Variants in SLC6A6 observed in about 807,000 individuals in gnomAD.
The protein encoded by SLC6A6 is sodium- and chloride-dependent taurine transporter.
In SLC6A6, 16 loss-of-function variants were observed where a neutral mutation model predicts 68.8. The ratio of observed to expected loss-of-function variants is 0.23; its 90% CI spans 0.16 to 0.35. The LOEUF (loss-of-function observed/expected upper bound fraction) is 0.35, where lower values mean the gene tolerates loss of function less well. Ranked by LOEUF, SLC6A6 falls within the 10% of genes least tolerant of loss-of-function variation. SLC6A6 has a pLI of 1.00. For synonymous variants in SLC6A6, 312 were observed against 315.4 expected (o/e 0.99, Z 0.12); for missense variants, 474 against 802.8 (o/e 0.59, Z 4.95).
intron 1 of SLC6A6, among the ~76,000 whole-genome samples, chr3:14,414,189 G>T (rs1366586942): frequency 6.6e-6 from 1 of 152,142 alleles, no homozygotes; most frequent in African/African-American, 2.4e-5. Flanking sequence ...TGCCCTAGCT[G>T]CTCACCAGTG....
At chr3:14,463,627 C>T (rs189808259) in intron 6 of SLC6A6, among the ~76,000 whole-genome samples, 4 of 152,362 alleles carry the variant, frequency 2.6e-5, no homozygotes, top group African/African-American at 7.2e-5. Flanking sequence ...GCCGCCTGTC[C>T]GCCTGTCCTC....
intron 1 of SLC6A6, among the ~76,000 whole-genome samples, chr3:14,407,715 A>G (rs1699142071): frequency 6.6e-6 from 1 of 152,086 alleles, no homozygotes; most frequent in African/African-American, 2.4e-5. Flanking sequence ...CTGTGTTGCC[A>G]GGCTGGTGTC....
At chr3:14,432,686 GA>G (rs1559292364) in intron 2 of SLC6A6, 1 of 152,462 alleles carries the variant, frequency 6.6e-6, no homozygotes, top group Non-Finnish European at 1.5e-5. Context: ...AACAGTGCGC[GA>G]CTCCCCAGGT....
intron 5 of SLC6A6, among the ~76,000 whole-genome samples, chr3:14,449,172 G>A (rs571685999): frequency 6.6e-6 from 1 of 152,342 alleles, no homozygotes; most frequent in South Asian, 2.1e-4. Flanking sequence ...GCAAAGAAGG[G>A]GTCGGTTGCC....
chr3:14,470,369 G>A (rs1350613351), intron 9 of SLC6A6, among the ~76,000 whole-genome samples: 1 of 152,146 alleles, frequency 6.6e-6, no homozygotes, highest in Non-Finnish European at 1.5e-5. Context: ...TAATTATTTA[G>A]CCTAACAGAG....
intron 2 of SLC6A6, among the ~76,000 whole-genome samples, chr3:14,441,290 A>G (rs1699978190): frequency 6.6e-6 from 1 of 151,242 alleles, no homozygotes; most frequent in Non-Finnish European, 1.5e-5. Flanking sequence ...TGAGTCTCAC[A>G]TCCTCCAATT....
intron 6 of SLC6A6, among the ~76,000 whole-genome samples, chr3:14,460,211 G>A (rs1443468643): frequency 1.3e-5 from 2 of 152,108 alleles, no homozygotes; most frequent in African/African-American, 2.4e-5. Context: ...ACAGGGCTGG[G>A]GGACATGCAG....
intron 2 of SLC6A6, among the ~76,000 whole-genome samples, chr3:14,417,985 C>G (rs1214657478): frequency 6.6e-6 from 1 of 152,196 alleles, no homozygotes; most frequent in African/African-American, 2.4e-5. Context: ...CTTTCAGAGT[C>G]TTATTTAATC....
intron 1 of SLC6A6, among the ~76,000 whole-genome samples, chr3:14,414,369 G>T (rs546822518): frequency 6.6e-6 from 1 of 152,152 alleles, no homozygotes; most frequent in African/African-American, 2.4e-5. Context: ...GCTGGCTCAC[G>T]TGCCCACCTA....
intron 5 of SLC6A6, among the ~76,000 whole-genome samples, chr3:14,455,205 C>T (rs1338304806): frequency 6.6e-6 from 1 of 152,246 alleles, no homozygotes; most frequent in Non-Finnish European, 1.5e-5. Flanking sequence ...GGGACTACCA[C>T]CAGCAATGGA....
chr3:14,425,173 G>A (rs9310447), intron 2 of SLC6A6, among the ~76,000 whole-genome samples: 3,240 of 152,324 alleles, frequency 0.021, 119 homozygotes, highest in African/African-American at 0.069. Context: ...CCTTCCTTGT[G>A]TAATTCACGA....
intron 5 of SLC6A6, among the ~76,000 whole-genome samples, 194 bp from the exon 6 acceptor site, chr3:14,457,756 A>G (rs1700401463): frequency 6.6e-6 from 1 of 152,174 alleles, no homozygotes; most frequent in Non-Finnish European, 1.5e-5. Context: ...GTCTGAGTCT[A>G]TCCTTTTCTT....
intron 1 of SLC6A6, among the ~76,000 whole-genome samples, chr3:14,405,525 C>T (rs139612512): frequency 2.7e-3 from 408 of 152,380 alleles, no homozygotes; most frequent in African/African-American, 9.2e-3. Flanking sequence ...CAGAGGGGGT[C>T]TGCCTGGGAA....
At chr3:14,434,088 C>G (rs1025244167) in intron 2 of SLC6A6, among the ~76,000 whole-genome samples, 2 of 152,228 alleles carry the variant, frequency 1.3e-5, no homozygotes, top group African/African-American at 2.4e-5. Context: ...CTGCTGTTCT[C>G]TGCTCTTAGA....
chr3:14,484,476 C>T (rs1246504872), intron 14 of SLC6A6, among the ~76,000 whole-genome samples: 7 of 152,110 alleles, frequency 4.6e-5, no homozygotes, highest in South Asian at 2.1e-4. Context: ...CAACTCAGGG[C>T]ATACAAATGA....
Position 14,488,997 on chromosome 3 carries a change from T to C in SLC6A6, c.*3990T>C, listed in dbSNP as rs1308237291. ...CAAGAGAAAGCTGAGAATGTGGGTC[T>C]TGCCTCCTTCCAGAAATATGTCTGG... On this transcript the variant is annotated 3_prime_UTR_variant, in exon 15 of 15. Coordinates refer to ENST00000622186, the MANE Select transcript of SLC6A6 (RefSeq NM_003043.6). 6.6e-6 allele frequency: 1 copy of C among 152,634 alleles called. No individual in the cohort carries two copies. Among genetic ancestry groups the C allele is most frequent in the Non-Finnish European group, 1.5e-5 (1 of 68,036 alleles). The allele number at this position is 152,634 out of a possible 1,614,324, so 9.5% of individuals were successfully genotyped here. A position where few individuals can be genotyped will look rare whatever the true frequency, so the allele number is the denominator to read the frequency against.
intron 6 of SLC6A6, 100 bp downstream of exon 6, chr3:14,458,182 A>G: frequency 1.8e-6 from 2 of 1,120,002 alleles, no homozygotes; most frequent in Non-Finnish European, 2.7e-6. Context: ...CCCAAGAGGG[A>G]GGTGGCCAGT....
At chr3:14,446,947 C>G (rs1462304599) in intron 4 of SLC6A6, among the ~76,000 whole-genome samples, 1 of 152,180 alleles carries the variant, frequency 6.6e-6, no homozygotes, top group African/African-American at 2.4e-5. Flanking sequence ...TATCCTTAAG[C>G]CTTTCTTCCA....
intron 5 of SLC6A6, among the ~76,000 whole-genome samples, chr3:14,456,729 G>A (rs1447323932): frequency 1.3e-5 from 2 of 152,090 alleles, no homozygotes; most frequent in East Asian, 3.9e-4. Context: ...TTTTACAAAA[G>A]GGGAAACTGA....
Sources: allele counts gnomAD v4.1 joint callset (sites outside exome capture counted in the v4.1 genomes callset), GRCh38; gene constraint gnomAD v4.1.1; transcripts MANE v1.5; gene names NCBI Gene and HGNC (gene_info 2026-07-23, HGNC 2026-07-21).